Variants in ANTXR1 observed in about 807,000 individuals in gnomAD.
ANTXR1 encodes the protein ANTXR cell adhesion molecule 1, also known as anthrax toxin receptor 1.
ANTXR1 carries 19 observed loss-of-function variants against 78.1 expected under a neutral mutation model. The ratio of observed to expected loss-of-function variants is 0.24; its 90% CI spans 0.17 to 0.36. The LOEUF is 0.36. ANTXR1 is among the 10% of genes least tolerant of loss of function. The probability of loss-of-function intolerance (pLI) is 1.00; values close to 1 mark genes in which losing one functional copy is unlikely to be tolerated. For missense variants in ANTXR1, 518 were observed against 718.6 expected, an observed-to-expected ratio of 0.72 and a Z score of 3.19; for synonymous variants, 273 against 260.5, an observed-to-expected ratio of 1.05 and a Z score of -0.46.
rs575211222 is a variant in ANTXR1 at position 69,246,185 on chromosome 2, G to T, written c.*700G>T. The T allele has an allele frequency of 6.6e-4, 101 of 152,520 alleles. No homozygotes were observed. The highest frequency in any genetic ancestry group is 2.0e-3 in the African/African-American group (85 of 41,554). The allele number at this position is 152,520 out of a possible 1,614,324, so 9.4% of individuals were successfully genotyped here. The stretch of plus-strand genomic sequence containing the variant: ...TTGATGTGTAAGTGAAATCAGTTGT[G>T]TGCAATAGACAGGGGCGTATTCATG... On this transcript the variant is annotated 3_prime_UTR_variant, in exon 18 of 18. Coordinates refer to ENST00000303714, the MANE Select transcript of ANTXR1 (RefSeq NM_032208.3).
At chr2:69,023,640 A>G (rs1464381171) in intron 1 of ANTXR1, among the ~76,000 whole-genome samples, 1 of 152,180 alleles carries the variant, frequency 6.6e-6, no homozygotes, top group Admixed American at 6.5e-5. Flanking sequence ...CCTGGCTAGG[A>G]TAAGGAATAT....
intron 16 of ANTXR1, among the ~76,000 whole-genome samples, chr2:69,185,406 T>G (rs1674393144): frequency 6.6e-6 from 1 of 151,978 alleles, no homozygotes; most frequent in Admixed American, 6.5e-5. Flanking sequence ...TGGGCGTGGT[T>G]GTGGGTGCCT....
intron 10 of ANTXR1, among the ~76,000 whole-genome samples, chr2:69,118,915 C>G (rs1173914449): frequency 6.6e-6 from 1 of 152,112 alleles, no homozygotes. Flanking sequence ...ACAATCCTCT[C>G]GGAGCAGAAA....
chr2:69,037,509 G>A (rs1669477538), intron 1 of ANTXR1, among the ~76,000 whole-genome samples: 1 of 152,194 alleles, frequency 6.6e-6, no homozygotes, highest in South Asian at 2.1e-4. Context: ...CCCTCTTGTT[G>A]CCTAGGCTGG....
chr2:69,090,661 C>T (rs755673124), intron 8 of ANTXR1, 198 bp from the exon 9 acceptor site: 52 of 623,224 alleles, frequency 8.3e-5, no homozygotes, highest in Admixed American at 2.5e-5. Context: ...TTAGGATACC[C>T]AACAGCATCT....
chr2:69,145,627 G>T (rs1673202409), intron 12 of ANTXR1: 11 of 1,256,290 alleles, frequency 8.8e-6, no homozygotes, highest in Middle Eastern at 3.1e-4. Flanking sequence ...ACTCCATGCG[G>T]TGGGCATCAG....
rs1192718887 is a variant in ANTXR1 at position 69,245,345 on chromosome 2, C to T, written c.1555C>T (p.Pro519Ser). ...APIYTPPPPA[P>S]HCPPPPPSAP... Reference sequence around the variant, plus strand: ...CATCTACACTCCCCCACCTCCTGCGCCCCACTGCCCTCCCCCGCCCCCCAG... The same window carrying T: ...CATCTACACTCCCCCACCTCCTGCGTCCCACTGCCCTCCCCCGCCCCCCAG... Residue 519 changes from proline to serine, a missense_variant, in exon 18 of 18, where the codon CCC becomes TCC. Pro to Ser is a moderately conservative substitution (Grantham distance 74). This residue lies in a region of ANTXR1 where 192 missense variants were observed against 230.2 expected (regional missense o/e 0.83). Transcript: ENST00000303714. 3 of 1,522,656 alleles carry T rather than the reference C, an allele frequency of 2.0e-6. No homozygotes were observed. The highest frequency in any genetic ancestry group is 2.6e-6 in the Non-Finnish European group (3 of 1,132,414). 94.3% of individuals were successfully genotyped at this position (1,522,656 alleles called of 1,614,324 possible).
intron 12 of ANTXR1, among the ~76,000 whole-genome samples, chr2:69,134,811 A>G (rs903808258): frequency 1.3e-5 from 2 of 152,192 alleles, no homozygotes; most frequent in Admixed American, 6.5e-5. Context: ...CAAACTCCTG[A>G]GAATAATCTG....
chr2:69,241,651 A>G (rs6720703), intron 17 of ANTXR1, among the ~76,000 whole-genome samples: 2,078 of 152,084 alleles, frequency 0.014, 33 homozygotes, highest in African/African-American at 0.043. Flanking sequence ...ATTTTTTCCT[A>G]TTTACCAGTT....
chr2:69,099,406 G>A (rs570075812), intron 9 of ANTXR1, among the ~76,000 whole-genome samples: 37 of 152,174 alleles, frequency 2.4e-4, no homozygotes, highest in South Asian at 4.2e-4. Context: ...CACTGTGACC[G>A]TTAATATGTA....
rs1265843769 is a variant in ANTXR1, at chr2:69,130,951, CTCTT to C, written c.951+6310_951+6313del. 2.0e-5 allele frequency among the ~76,000 whole-genome samples: 3 copies of C among 152,200 alleles called. No individual in the cohort carries two copies. In the East Asian group the frequency reaches 5.8e-4, roughly 29 times the overall value. On this transcript the variant is annotated intron_variant, in intron 12 of 17. Coordinates refer to ENST00000303714, the MANE Select transcript of ANTXR1 (RefSeq NM_032208.3). ...CAAACAAGACTGGGTGGCAGGCTGA[CTCTT>C]TGCTACTTTTGAAGAGTTTTCCTCA...
intron 12 of ANTXR1, among the ~76,000 whole-genome samples, chr2:69,147,837 G>T (rs1476029160): frequency 6.6e-6 from 1 of 152,116 alleles, no homozygotes; most frequent in African/African-American, 2.4e-5. Flanking sequence ...TGCAAAAGGG[G>T]GTAACAGTTC....
At chr2:69,205,307 GAGA>G (rs1391361925) in intron 17 of ANTXR1, among the ~76,000 whole-genome samples, 1 of 152,090 alleles carries the variant, frequency 6.6e-6, no homozygotes. Flanking sequence ...GGCCAGAAGG[GAGA>G]AGAACTGAGA....
chr2:69,160,966 C>T (rs577961575), intron 13 of ANTXR1, among the ~76,000 whole-genome samples: 8 of 152,288 alleles, frequency 5.3e-5, no homozygotes, highest in Admixed American at 5.2e-4. Context: ...CTTTTGTGCC[C>T]TCCCTGGAGG....
At chr2:69,074,506 A>G (rs1670668584) in intron 6 of ANTXR1, among the ~76,000 whole-genome samples, 1 of 152,226 alleles carries the variant, frequency 6.6e-6, no homozygotes, top group Admixed American at 6.5e-5. Flanking sequence ...CCTTCTGAAA[A>G]AGAAAGATAA....
At chr2:69,163,987 A>AT (rs1400131903) in intron 13 of ANTXR1, among the ~76,000 whole-genome samples, 1 of 152,200 alleles carries the variant, frequency 6.6e-6, no homozygotes, top group Non-Finnish European at 1.5e-5. Flanking sequence ...CAGTTTAGTG[A>AT]TTTTAATGCC....
intron 13 of ANTXR1, 74 bp downstream of exon 13, chr2:69,152,338 G>C (rs760158992): frequency 1.3e-6 from 2 of 1,489,572 alleles, no homozygotes; most frequent in South Asian, 1.1e-5. Context: ...TAGAGAGAAA[G>C]GGATTTTTAA....
At chr2:69,092,743 G>A (rs559384875) in intron 9 of ANTXR1, among the ~76,000 whole-genome samples, 1 of 152,154 alleles carries the variant, frequency 6.6e-6, no homozygotes, top group East Asian at 1.9e-4. Context: ...GCTTCATAAG[G>A]GGCCTGTGCA....
rs575112705 is a variant in ANTXR1, at chr2:69,070,631, T to A, written c.297-16T>A. 39 of 1,612,972 alleles carry A rather than the reference T, an allele frequency of 2.4e-5. No homozygotes were observed. The South Asian group carries it at 4.2e-4, about 17-fold the overall frequency. On this transcript the variant is annotated splice_polypyrimidine_tract_variant and intron_variant, in intron 3 of 17. Coordinates refer to ENST00000303714, the MANE Select transcript of ANTXR1 (RefSeq NM_032208.3). ...AAATACTCAAATAAGACTAACAGAG[T>A]GTCTTTGGATTTCAGAGAACAAATC...
Sources: gnomAD v4.1 joint callset for allele counts (sites outside exome capture counted in the v4.1 genomes callset) on GRCh38, gnomAD v4.1.1 for gene constraint, gnomAD v4.1.1 regional missense constraint, MANE v1.5 for transcripts, NCBI Gene and HGNC (gene_info 2026-07-23, HGNC 2026-07-21) for gene names.